NLGN1: variants seen among roughly 807,000 people sequenced by gnomAD.
The protein encoded by NLGN1 is neuroligin-1.
A neutral mutation model predicts 65.5 loss-of-function variants in NLGN1; 12 were observed. The observed-to-expected ratio is 0.18, with a 90% CI of 0.12 to 0.30. NLGN1 has a LOEUF of 0.30. Among genes scored for constraint, NLGN1 ranks in the 10% least tolerant of loss-of-function variants. NLGN1 has a pLI of 1.00. For synonymous variants in NLGN1, 350 were observed against 359.5 expected, an observed-to-expected ratio of 0.97 and a Z score of 0.30; for missense variants, 750 against 1,007.1, an observed-to-expected ratio of 0.74 and a Z score of 3.46.
chr3:173,693,370 A>G (rs1765746487), intron 3 of NLGN1, among the ~76,000 whole-genome samples: 2 of 152,128 alleles, frequency 1.3e-5, no homozygotes, highest in African/African-American at 4.8e-5. Flanking sequence ...ATAGGGAGGT[A>G]GCATAAATAT....
intron 3 of NLGN1, among the ~76,000 whole-genome samples, chr3:173,631,585 G>A (rs1002938227): frequency 2.6e-5 from 4 of 152,012 alleles, no homozygotes; most frequent in Non-Finnish European, 4.4e-5. Context: ...TTTTTGCCCC[G>A]GAGTTATTTT....
chr3:173,730,196 C>T (rs1267657951), intron 3 of NLGN1, among the ~76,000 whole-genome samples: 1 of 150,476 alleles, frequency 6.6e-6, no homozygotes, highest in Non-Finnish European at 1.5e-5. Context: ...ATTGGAAATA[C>T]CAGGATACAA....
chr3:173,820,144 A>T (rs951435571), intron 4 of NLGN1, among the ~76,000 whole-genome samples: 1 of 148,168 alleles, frequency 6.7e-6, no homozygotes, highest in African/African-American at 2.5e-5. Flanking sequence ...GCGCCACTGC[A>T]CTCCAGCCTG....
At chr3:173,804,856 A>G (rs925281151) in intron 3 of NLGN1, among the ~76,000 whole-genome samples, 1 of 151,920 alleles carries the variant, frequency 6.6e-6, no homozygotes, top group Non-Finnish European at 1.5e-5. Context: ...GTGAAACCCC[A>G]TCTCCACTAA....
intron 2 of NLGN1, among the ~76,000 whole-genome samples, chr3:173,460,276 T>C (rs1723155614): frequency 6.6e-6 from 1 of 152,048 alleles, no homozygotes; most frequent in Non-Finnish European, 1.5e-5. Flanking sequence ...AATATTAAAT[T>C]AAAGGAGGCA....
intron 3 of NLGN1, among the ~76,000 whole-genome samples, chr3:173,716,588 C>A (rs1247515870): frequency 6.6e-6 from 1 of 152,062 alleles, no homozygotes; most frequent in African/African-American, 2.4e-5. Context: ...TGATGCACTG[C>A]CTGATACTAC....
chr3:174,148,045 G>GT (rs1216922266), intron 4 of NLGN1, among the ~76,000 whole-genome samples: 1 of 152,160 alleles, frequency 6.6e-6, no homozygotes, highest in African/African-American at 2.4e-5. Context: ...AAAAGAATGT[G>GT]TGTCATTCAG....
chr3:173,747,293 ATCTTATGTATG>A (rs1165138497), intron 3 of NLGN1, among the ~76,000 whole-genome samples: 45 of 144,662 alleles, frequency 3.1e-4, no homozygotes, highest in African/African-American at 7.1e-4. Context: ...ATTTAAATAT[ATCTTATGTATG>A]TATATATTTA....
intron 1 of NLGN1, among the ~76,000 whole-genome samples, chr3:173,416,537 C>T (rs1713831035): frequency 6.6e-6 from 1 of 152,130 alleles, no homozygotes; most frequent in Non-Finnish European, 1.5e-5. Context: ...CTAAAAGACT[C>T]CGTGTTTCAG....
At chr3:173,498,332 G>A (rs1486088711) in intron 2 of NLGN1, among the ~76,000 whole-genome samples, 1 of 151,308 alleles carries the variant, frequency 6.6e-6, no homozygotes, top group East Asian at 1.9e-4. Context: ...GTGATAGTTT[G>A]CTGAGAATGA....
At chr3:173,919,476 G>A (rs1284968358) in intron 4 of NLGN1, among the ~76,000 whole-genome samples, 1 of 152,122 alleles carries the variant, frequency 6.6e-6, no homozygotes, top group Admixed American at 6.5e-5. Flanking sequence ...CACTTTATTA[G>A]GAAGGTTCCA....
At chr3:173,472,735 C>G (rs941320058) in intron 2 of NLGN1, among the ~76,000 whole-genome samples, 27 of 152,018 alleles carry the variant, frequency 1.8e-4, no homozygotes, top group African/African-American at 6.3e-4. Context: ...CATGAGGACA[C>G]AAGTGCTTGA....
At chr3:173,507,926 G>A (rs1381825903) in intron 2 of NLGN1, among the ~76,000 whole-genome samples, 1 of 152,118 alleles carries the variant, frequency 6.6e-6, no homozygotes, top group African/African-American at 2.4e-5. Flanking sequence ...TTACAGCGCA[G>A]TTTACTCAAC....
chr3:173,514,574 G>A (rs191010300), intron 2 of NLGN1, among the ~76,000 whole-genome samples: 221 of 152,234 alleles, frequency 1.5e-3, no homozygotes, highest in Middle Eastern at 3.4e-3. Context: ...ACATTGTTAT[G>A]TATAGGCACA....
intron 4 of NLGN1, among the ~76,000 whole-genome samples, chr3:173,908,012 G>A (rs10222345): frequency 0.015 from 2,307 of 152,164 alleles, 42 homozygotes; most frequent in Middle Eastern, 0.065. Context: ...GAGCCACCAC[G>A]CCCAGCAGAT....
At chr3:173,703,442 C>T (rs1767564591) in intron 3 of NLGN1, among the ~76,000 whole-genome samples, 1 of 152,120 alleles carries the variant, frequency 6.6e-6, no homozygotes. Flanking sequence ...GCTTTATTTA[C>T]TGCTGGGAAC....
At chr3:173,422,125 CTATA>C (rs1342459210) in intron 1 of NLGN1, among the ~76,000 whole-genome samples, 1 of 146,958 alleles carries the variant, frequency 6.8e-6, no homozygotes, top group Non-Finnish European at 1.5e-5. Context: ...TGTATGTGTA[CTATA>C]TATAGTACAC....
At chr3:173,524,724 T>G (rs1462521259) in intron 2 of NLGN1, among the ~76,000 whole-genome samples, 2 of 152,204 alleles carry the variant, frequency 1.3e-5, no homozygotes, top group Non-Finnish European at 2.9e-5. Context: ...TCTTACTGTT[T>G]TGAAGTATGT....
chr3:173,855,480 T>C (rs1008348259), intron 4 of NLGN1, among the ~76,000 whole-genome samples: 1 of 150,230 alleles, frequency 6.7e-6, no homozygotes, highest in Non-Finnish European at 1.5e-5. Context: ...CAAAAAAGTT[T>C]TATTGCACCG....
Sources: allele counts gnomAD v4.1 joint callset (sites outside exome capture counted in the v4.1 genomes callset), GRCh38; gene constraint gnomAD v4.1.1; transcripts MANE v1.5; gene names NCBI Gene and HGNC (gene_info 2026-07-23, HGNC 2026-07-21).